The following RPN2 variants were observed in gnomAD, a reference collection of about 807,000 sequenced individuals.
RPN2 encodes dolichyl-diphosphooligosaccharide--protein glycosyltransferase subunit 2.
Under a neutral mutation model 71.4 loss-of-function variants are expected in RPN2, and 29 were observed. The ratio of observed to expected loss-of-function variants is 0.41; its 90% CI spans 0.30 to 0.55. The LOEUF (loss-of-function observed/expected upper bound fraction) is 0.55, where lower values mean the gene tolerates loss of function less well. RPN2 is among the 20% of genes least tolerant of loss of function. The probability of loss-of-function intolerance (pLI) is 0.35; values close to 1 mark genes in which losing one functional copy is unlikely to be tolerated. For missense variants in RPN2, 726 were observed against 774.1 expected, an observed-to-expected ratio of 0.94 and a Z score of 0.74; for synonymous variants, 308 against 305.0, an observed-to-expected ratio of 1.01 and a Z score of -0.10.
chr20:37,213,718 T>C (rs1240996522), intron 8 of RPN2, 42 bp from the exon 9 acceptor site: 3 of 1,456,538 alleles, frequency 2.1e-6, no homozygotes. Flanking sequence ...TCCATGACTT[T>C]CCTACCTGAG....
At chr20:37,236,450 A>G in intron 15 of RPN2, 130 bp from the exon 16 acceptor site, 1 of 989,842 alleles carries the variant, frequency 1.0e-6, no homozygotes, top group Non-Finnish European at 1.6e-6. Context: ...ATCAGAGCAA[A>G]GGAATAAAAC....
chr20:37,185,515 G>C (rs968934309), intron 2 of RPN2, among the ~76,000 whole-genome samples: 1 of 152,158 alleles, frequency 6.6e-6, no homozygotes, highest in East Asian at 1.9e-4. Context: ...CCTTTGCCAA[G>C]TTTCTCATAT....
intron 4 of RPN2, 84 bp from the exon 5 acceptor site, chr20:37,203,801 T>TTG (rs2067449277): frequency 1.1e-6 from 1 of 935,794 alleles, no homozygotes; most frequent in African/African-American, 1.6e-5. Flanking sequence ...AGTAGGATAT[T>TTG]TGTGAAAGTG....
At chr20:37,227,672 T>C (rs1042953745) in intron 11 of RPN2, among the ~76,000 whole-genome samples, 1 of 152,206 alleles carries the variant, frequency 6.6e-6, no homozygotes, top group African/African-American at 2.4e-5. Flanking sequence ...GATCTGTAAA[T>C]TGGATCTGTA....
rs11482722 is a variant in RPN2 at position 37,223,635 on chromosome 20, C to CT, written c.1093-230dup. On this transcript the variant is annotated intron_variant, in intron 9 of 16. Transcript: ENST00000237530. ...TTTTTTTCTTTTCCTTTTTCTTCTT[C>CT]TTTTTTTTTTTTTGATGTTTACCAT... Among the ~76,000 whole-genome samples, 57,104 of 142,690 alleles carry CT rather than the reference C, an allele frequency of 0.4. 12,324 individuals carry two copies. The highest frequency in any genetic ancestry group is 0.6 in the African/African-American group (23,310 of 38,830). The allele number at this position is 142,690 out of a possible 152,430, so 93.6% of individuals were successfully genotyped here.
intron 1 of RPN2, among the ~76,000 whole-genome samples, chr20:37,183,275 C>T (rs1478520632): frequency 2.6e-5 from 4 of 151,432 alleles, no homozygotes; most frequent in South Asian, 2.1e-4. Flanking sequence ...GCAACAATGG[C>T]GCATTCTCAG....
At chr20:37,221,390 G>A (rs2067953525) in intron 9 of RPN2, among the ~76,000 whole-genome samples, 1 of 152,000 alleles carries the variant, frequency 6.6e-6, no homozygotes. Flanking sequence ...TAGAGACAGG[G>A]TTTTGCCATG....
At chr20:37,201,399 C>G (rs1169783646) in intron 4 of RPN2, among the ~76,000 whole-genome samples, 2 of 151,768 alleles carry the variant, frequency 1.3e-5, no homozygotes, top group African/African-American at 4.8e-5. Flanking sequence ...ATTCTCCCAC[C>G]TTAGCCTTCT....
intron 12 of RPN2, among the ~76,000 whole-genome samples, chr20:37,229,534 G>C (rs1325495264): frequency 6.6e-6 from 1 of 152,212 alleles, no homozygotes; most frequent in African/African-American, 2.4e-5. Flanking sequence ...CAAAGGGGCA[G>C]CTGCGTTTTC....
intron 7 of RPN2, 74 bp from the exon 8 acceptor site, chr20:37,209,973 T>C (rs2067617784): frequency 6.3e-7 from 1 of 1,596,050 alleles, no homozygotes; most frequent in African/African-American, 1.3e-5. Context: ...AACCTATAGA[T>C]AAAGCACCCC....
At chr20:37,230,082 A>G in intron 13 of RPN2, 23 bp downstream of exon 13, 2 of 1,575,960 alleles carry the variant, frequency 1.3e-6, no homozygotes, top group Non-Finnish European at 1.7e-6. Flanking sequence ...GGGCCTATCC[A>G]CTAAACGTGG....
intron 6 of RPN2, among the ~76,000 whole-genome samples, 200 bp from the exon 7 acceptor site, chr20:37,207,073 G>GAA (rs544315495): frequency 6.7e-6 from 1 of 150,284 alleles, no homozygotes; most frequent in Middle Eastern, 3.2e-3. Context: ...AAGGAAGATG[G>GAA]AAAAAAAAAC....
At chr20:37,225,834 C>T (rs376621883) in intron 11 of RPN2, 32 bp downstream of exon 11, 67 of 1,395,562 alleles carry the variant, frequency 4.8e-5, no homozygotes, top group Admixed American at 3.0e-4. Context: ...TTCTCTTAAC[C>T]TGAAATGTGA....
chr20:37,198,575 T>A (rs759828664), intron 3 of RPN2, 83 bp downstream of exon 3: 2 of 1,598,612 alleles, frequency 1.3e-6, no homozygotes, highest in Non-Finnish European at 1.7e-6. Flanking sequence ...CAAACATCCT[T>A]TTTTTAATTA....
chr20:37,229,863 C>G, intron 12 of RPN2, 110 bp from the exon 13 acceptor site: 1 of 849,420 alleles, frequency 1.2e-6, no homozygotes, highest in Non-Finnish European at 2.0e-6. Flanking sequence ...TTGGGACTGC[C>G]TGGAGCTTTT....
At chr20:37,219,194 C>T (rs1056153714) in intron 9 of RPN2, among the ~76,000 whole-genome samples, 1 of 152,142 alleles carries the variant, frequency 6.6e-6, no homozygotes, top group African/African-American at 2.4e-5. Context: ...TATTATCTGA[C>T]TTTTTGATTT....
At chr20:37,230,694 T>C (rs539799031) in intron 13 of RPN2, among the ~76,000 whole-genome samples, 1 of 152,252 alleles carries the variant, frequency 6.6e-6, no homozygotes, top group East Asian at 1.9e-4. Flanking sequence ...GCATACGAAT[T>C]AATGTTGAAG....
Position 37,236,600 on chromosome 20 carries a change from G to A in RPN2, c.1774G>A (p.Val592Ile), listed in dbSNP as rs777407149. 2.5e-6 allele frequency: 4 copies of A among 1,613,994 alleles called. No individual in the cohort carries two copies. The highest frequency in any genetic ancestry group is 2.7e-5 in the African/African-American group (2 of 74,926). ...GHAAMLGLMY[V>I]YWTQLNMFQT... ...TGCAGCTATGCTGGGACTCATGTATGTCTACTGGACTCAGCTCAACATGTT... is the reference window on the plus strand; with the variant it reads ...TGCAGCTATGCTGGGACTCATGTATATCTACTGGACTCAGCTCAACATGTT... The change falls in exon 16 of 17, where the codon GTC becomes ATC. Residue 592 changes from valine (V) to isoleucine (I), a missense_variant. Val to Ile is a conservative substitution (Grantham distance 29). Transcript: ENST00000237530.
intron 11 of RPN2, among the ~76,000 whole-genome samples, chr20:37,226,472 C>T (rs928603528): frequency 6.6e-6 from 1 of 152,096 alleles, no homozygotes; most frequent in Non-Finnish European, 1.5e-5. Context: ...ATCACTTGAG[C>T]CCAGGAGTTG....
Sources: allele counts gnomAD v4.1 joint callset (sites outside exome capture counted in the v4.1 genomes callset), GRCh38; gene constraint gnomAD v4.1.1; transcripts MANE v1.5; gene names NCBI Gene and HGNC (gene_info 2026-07-23, HGNC 2026-07-21).